ESR1: variants seen among roughly 807,000 people sequenced by gnomAD.
ESR1 encodes the protein estrogen receptor 1.
In ESR1, 12 loss-of-function variants were observed where a neutral mutation model predicts 52.7. The observed-to-expected ratio is 0.23, with a 90% CI of 0.15 to 0.37. The LOEUF is 0.37. ESR1 is among the 10% of genes least tolerant of loss of function. The pLI, the probability that ESR1 is intolerant of heterozygous loss-of-function variation, is 1.00. For missense variants in ESR1, 584 were observed against 779.7 expected (o/e 0.75, Z 2.99); for synonymous variants, 305 against 316.8 (o/e 0.96, Z 0.39).
intron 3 of ESR1, among the ~76,000 whole-genome samples, chr6:151,931,602 C>A (rs1285032216): frequency 8.3e-6 from 1 of 121,078 alleles, no homozygotes. Context: ...TCCCTCCCCC[C>A]TCCCCCCACC....
intron 2 of ESR1, among the ~76,000 whole-genome samples, chr6:151,768,068 A>C (rs1785209605): frequency 6.6e-6 from 1 of 152,258 alleles, no homozygotes; most frequent in Admixed American, 6.5e-5. Context: ...AGTGGATGCT[A>C]AAATTCGTGA....
Position 152,102,103 on chromosome 6 carries a change from G to T in ESR1, c.*3137G>T, listed in dbSNP as rs562825752. 6 of 212,558 alleles carry T rather than the reference G, an allele frequency of 2.8e-5. No individual in the cohort carries two copies. The highest frequency in any genetic ancestry group is 1.4e-4 in the African/African-American group (6 of 44,338). 13.2% of individuals were successfully genotyped at this position (212,558 alleles called of 1,614,324 possible). On this transcript the variant is annotated 3_prime_UTR_variant, in exon 8 of 8. Coordinates refer to ENST00000206249, the MANE Select transcript of ESR1 (RefSeq NM_000125.4). ...GTTGCAAAATCTAACCCCTAAGGAA[G>T]TGCAGTCTTTGATTTGATTTCCCTA...
At chr6:151,807,020 T>C (rs758744299), upstream of ESR1, among the ~76,000 whole-genome samples, 1 of 152,134 alleles carries the variant, frequency 6.6e-6, no homozygotes, top group Non-Finnish European at 1.5e-5. Context: ...GAAGGGTCTA[T>C]CTACTTTGGG....
intron 6 of ESR1, among the ~76,000 whole-genome samples, chr6:152,090,990 C>T (rs1459143117): frequency 6.6e-6 from 1 of 152,180 alleles, no homozygotes. Flanking sequence ...GGATTTGGAG[C>T]AATCTCCAGA....
chr6:151,674,367 T>A (rs1778181199), intron 1 of ESR1, among the ~76,000 whole-genome samples: 1 of 152,224 alleles, frequency 6.6e-6, no homozygotes. Flanking sequence ...GAACTCATTC[T>A]TTTTTATGGT....
chr6:151,937,676 C>T (rs1340990467), intron 3 of ESR1, among the ~76,000 whole-genome samples: 1 of 152,080 alleles, frequency 6.6e-6, no homozygotes, highest in African/African-American at 2.4e-5. Context: ...TGACCTGAAA[C>T]ATTTAGAGGC....
chr6:152,010,530 G>T (rs2042680516), intron 4 of ESR1, among the ~76,000 whole-genome samples: 1 of 152,000 alleles, frequency 6.6e-6, no homozygotes, highest in Non-Finnish European at 1.5e-5. Flanking sequence ...AGAATAGGGG[G>T]CTGATTTGGA....
chr6:151,811,128 A>T (rs1474006668), intron 1 of ESR1: 1 of 152,216 alleles, frequency 6.6e-6, no homozygotes, highest in East Asian at 1.9e-4. Flanking sequence ...TTTCTTCCAT[A>T]ATATGCAGCC....
At position 151,711,865 on chromosome 6, in the gene ESR1, G is replaced by A. The variant is rs184590620; in HGVS notation, c.-71+9860G>A. Among the ~76,000 whole-genome samples, 341 of 152,214 alleles carry A rather than the reference G, an allele frequency of 2.2e-3. 2 individuals are homozygous for A. The highest frequency in any genetic ancestry group is 7.3e-3 in the African/African-American group (305 of 41,528). On this transcript the variant is annotated intron_variant, in intron 2 of 2. Coordinates refer to the ESR1 transcript ENST00000404742. ...TGTTTAGTTTAATTAGATCCCATTC[G>A]TCAATTTTGCCTTTTGTTGCCATTG... is the stretch of plus-strand genomic sequence containing the variant.
chr6:151,786,510 C>T (rs1787037969), intron 2 of ESR1, among the ~76,000 whole-genome samples: 1 of 152,080 alleles, frequency 6.6e-6, no homozygotes, highest in Admixed American at 6.6e-5. Flanking sequence ...CCATTTTCTC[C>T]CGATTTCACG....
chr6:152,063,356 A>G (rs2047698842), intron 6 of ESR1, among the ~76,000 whole-genome samples: 1 of 152,194 alleles, frequency 6.6e-6, no homozygotes, highest in South Asian at 2.1e-4. Flanking sequence ...CAAGGACAGT[A>G]CTGCTGGCTC....
intron 6 of ESR1, among the ~76,000 whole-genome samples, chr6:152,072,556 G>A (rs2048435168): frequency 6.6e-6 from 1 of 152,168 alleles, no homozygotes; most frequent in Admixed American, 6.5e-5. Flanking sequence ...TATCACTCTA[G>A]CTGTGCCTTT....
intron 4 of ESR1, among the ~76,000 whole-genome samples, chr6:151,951,944 C>G (rs1186761241): frequency 1.3e-5 from 2 of 152,184 alleles, no homozygotes; most frequent in Non-Finnish European, 2.9e-5. Context: ...ACCATTGGGT[C>G]CTCTTCTTCA....
chr6:151,891,538 T>C (rs1220326467), intron 3 of ESR1, among the ~76,000 whole-genome samples: 2 of 152,164 alleles, frequency 1.3e-5, no homozygotes, highest in African/African-American at 4.8e-5. Flanking sequence ...TTTTTAGAGC[T>C]GAAAAGAACT....
chr6:151,929,881 A>G (rs762765857), intron 3 of ESR1, among the ~76,000 whole-genome samples: 3 of 151,866 alleles, frequency 2.0e-5, no homozygotes, highest in Admixed American at 6.6e-5. Flanking sequence ...TTTATTAACT[A>G]TTTCATATTT....
At chr6:151,666,767 G>T (rs1168988878) in intron 1 of ESR1, among the ~76,000 whole-genome samples, 2 of 139,632 alleles carry the variant, frequency 1.4e-5, no homozygotes, top group Non-Finnish European at 3.0e-5. Flanking sequence ...TTGGCAGCAA[G>T]GGTTGCAGAA....
chr6:151,808,720 G>C (rs1471644248), intron 1 of ESR1, among the ~76,000 whole-genome samples: 2 of 152,190 alleles, frequency 1.3e-5, no homozygotes, highest in Non-Finnish European at 2.9e-5. Flanking sequence ...AAATAAACAC[G>C]GGGCGCTTTG....
At chr6:151,916,509 AC>A (rs1169001939) in intron 3 of ESR1, among the ~76,000 whole-genome samples, 1 of 152,100 alleles carries the variant, frequency 6.6e-6, no homozygotes, top group Non-Finnish European at 1.5e-5. Context: ...GGCAATAGGT[AC>A]CTCCTTTGGA....
chr6:151,759,268 CA>C (rs984171376), intron 2 of ESR1, among the ~76,000 whole-genome samples: 275 of 66,426 alleles, frequency 4.1e-3, no homozygotes, highest in Middle Eastern at 8.2e-3. Flanking sequence ...GACTCTGTCT[CA>C]AAAAAAAAAA....
Sources: gnomAD v4.1 joint callset for allele counts (sites outside exome capture counted in the v4.1 genomes callset) on GRCh38, gnomAD v4.1.1 for gene constraint, MANE v1.5 for transcripts, NCBI Gene and HGNC (gene_info 2026-07-23, HGNC 2026-07-21) for gene names.